The following SNTG1 variants were observed in gnomAD, a reference collection of about 807,000 sequenced individuals.
SNTG1 encodes gamma-1-syntrophin.
A neutral mutation model predicts 74.7 loss-of-function variants in SNTG1; 39 were observed. The observed-to-expected ratio is 0.52, with a 90% CI of 0.40 to 0.68. SNTG1 has a LOEUF of 0.68. Ranked by LOEUF, SNTG1 falls within the 30% of genes least tolerant of loss-of-function variation. The pLI is 0.00. For synonymous variants in SNTG1, 254 were observed against 217.1 expected, an observed-to-expected ratio of 1.17 and a Z score of -1.49; for missense variants, 685 against 609.5, an observed-to-expected ratio of 1.12 and a Z score of -1.30.
intron 1 of SNTG1, among the ~76,000 whole-genome samples, chr8:49,954,259 G>T (rs1004888419): frequency 1.2e-4 from 18 of 152,194 alleles, no homozygotes; most frequent in Admixed American, 7.9e-4. Flanking sequence ...GTCTTAAAGT[G>T]TAGTAATTAA....
At chr8:50,106,160 C>G (rs1219363668) in intron 1 of SNTG1, among the ~76,000 whole-genome samples, 1 of 152,058 alleles carries the variant, frequency 6.6e-6, no homozygotes, top group African/African-American at 2.4e-5. Flanking sequence ...GCAGGCTTAA[C>G]AGGAAGCATG....
At chr8:50,207,261 T>G (rs2084290284) in intron 2 of SNTG1, among the ~76,000 whole-genome samples, 1 of 152,224 alleles carries the variant, frequency 6.6e-6, no homozygotes, top group Non-Finnish European at 1.5e-5. Context: ...ATTGGTCTAT[T>G]CATGGATTCA....
rs542413379 is a variant in SNTG1 at position 50,012,896 on chromosome 8, AATGGTGTCCCAGAGC to A, written c.-103+100668_-103+100682del. Among the ~76,000 whole-genome samples, 601 of 152,214 alleles carry A rather than the reference AATGGTGTCCCAGAGC, an allele frequency of 3.9e-3. 6 individuals are homozygous for A. The highest frequency in any genetic ancestry group is 0.012 in the African/African-American group (502 of 41,540). ...CATCCTGGGGTAACTAGGGAAAGTA[AATGGTGTCCCAGAGC>A]ATAAAAGCCCAGTAAGGAATATGGT... On this transcript the variant is annotated intron_variant, in intron 1 of 18. Transcript: ENST00000642720.
At chr8:49,933,076 G>A (rs189670912) in intron 1 of SNTG1, among the ~76,000 whole-genome samples, 4 of 152,216 alleles carry the variant, frequency 2.6e-5, no homozygotes, top group African/African-American at 7.2e-5. Flanking sequence ...TAAAGCTGCT[G>A]TTAACATTCA....
intron 2 of SNTG1, among the ~76,000 whole-genome samples, chr8:50,307,155 T>C (rs558678524): frequency 1.4e-4 from 22 of 152,172 alleles, no homozygotes; most frequent in African/African-American, 5.1e-4. Context: ...TTAAAGCTCT[T>C]GGCTATTATG....
chr8:49,963,172 A>G (rs1333319500), intron 1 of SNTG1, among the ~76,000 whole-genome samples: 2 of 151,990 alleles, frequency 1.3e-5, no homozygotes, highest in African/African-American at 4.8e-5. Context: ...AAGTTAGAAA[A>G]CCCTCTTCAT....
intron 1 of SNTG1, among the ~76,000 whole-genome samples, chr8:50,135,038 C>A (rs1042883600): frequency 1.3e-5 from 2 of 152,116 alleles, no homozygotes; most frequent in Admixed American, 1.3e-4. Context: ...TTATGTCAAC[C>A]CGGTAGTTGG....
intron 2 of SNTG1, among the ~76,000 whole-genome samples, chr8:50,224,326 T>C (rs545129859): frequency 1.3e-5 from 2 of 152,132 alleles, no homozygotes; most frequent in Admixed American, 1.3e-4. Context: ...TTAGACCTAA[T>C]CAGGGGACAT....
At chr8:50,301,938 C>T (rs1055472684) in intron 2 of SNTG1, among the ~76,000 whole-genome samples, 3 of 151,746 alleles carry the variant, frequency 2.0e-5, no homozygotes, top group Non-Finnish European at 4.4e-5. Flanking sequence ...TTCACTGCAA[C>T]CTCCGCCTCC....
At chr8:50,065,210 T>G (rs1488237299) in intron 1 of SNTG1, among the ~76,000 whole-genome samples, 2 of 152,192 alleles carry the variant, frequency 1.3e-5, no homozygotes, top group African/African-American at 4.8e-5. Context: ...TGGATTATGT[T>G]GCATAGTTAA....
At position 49,956,017 on chromosome 8, in the gene SNTG1, G is replaced by T. The variant is rs566107014; in HGVS notation, c.-103+43786G>T. ...TATATTGTTTTCTCTGCCAGAATACGTTTCTCTCCAGCTAGACAGATTTGC... is the reference window on the plus strand; with the variant it reads ...TATATTGTTTTCTCTGCCAGAATACTTTTCTCTCCAGCTAGACAGATTTGC... On this transcript the variant is annotated intron_variant, in intron 1 of 18. Coordinates refer to ENST00000642720, the MANE Select transcript of SNTG1 (RefSeq NM_018967.5). Among the ~76,000 whole-genome samples the T allele has an allele frequency of 3.9e-5, 6 of 152,150 alleles. No individual in the cohort carries two copies. In the South Asian group the frequency reaches 6.2e-4, roughly 16 times the overall value.
chr8:50,452,352 T>C (rs2093465388), intron 8 of SNTG1, among the ~76,000 whole-genome samples: 1 of 152,256 alleles, frequency 6.6e-6, no homozygotes, highest in Non-Finnish European at 1.5e-5. Context: ...CAGAGCCTTC[T>C]ATCTTGCAGA....
chr8:50,614,944 CTTT>C (rs1217362389), intron 13 of SNTG1, among the ~76,000 whole-genome samples: 9 of 136,736 alleles, frequency 6.6e-5, no homozygotes, highest in Admixed American at 7.3e-5. Flanking sequence ...GTAGTTTTTT[CTTT>C]TTTTTTTTTT....
intron 1 of SNTG1, among the ~76,000 whole-genome samples, chr8:49,934,274 T>A (rs1365297650): frequency 7.2e-6 from 1 of 138,630 alleles, no homozygotes; most frequent in Non-Finnish European, 1.5e-5. Flanking sequence ...TCATATATAC[T>A]ATATAGATCT....
intron 2 of SNTG1, among the ~76,000 whole-genome samples, chr8:50,205,769 T>G (rs1284158231): frequency 1.3e-5 from 2 of 152,234 alleles, no homozygotes; most frequent in Non-Finnish European, 2.9e-5. Context: ...GGGATCCACT[T>G]ACAGCTTTCT....
chr8:50,501,711 G>T (rs1395360634), intron 8 of SNTG1, among the ~76,000 whole-genome samples: 1 of 151,436 alleles, frequency 6.6e-6, no homozygotes, highest in Non-Finnish European at 1.5e-5. Flanking sequence ...ACCTGCCTCG[G>T]TCTCCCAAAG....
chr8:50,123,239 C>T lies in SNTG1; in HGVS notation c.-102-49322C>T, dbSNP rs1186671953. Among the ~76,000 whole-genome samples, 7 of 142,590 alleles carry T rather than the reference C, an allele frequency of 4.9e-5. 1 individual carries two copies. Among genetic ancestry groups the T allele is most frequent in the Non-Finnish European group, 6.3e-5 (4 of 63,884 alleles). The allele number at this position is 142,590 out of a possible 152,430, so 93.5% of individuals were successfully genotyped here. A position where few individuals can be genotyped will look rare whatever the true frequency, so the allele number is the denominator to read the frequency against. On this transcript the variant is annotated intron_variant, in intron 1 of 18. Transcript: ENST00000642720. ...TAGTGGCTGATGGTAATTATTGTAC[C>T]GCTCAGTGCTCCAACACACAATTAC...
intron 1 of SNTG1, among the ~76,000 whole-genome samples, chr8:50,023,234 G>A (rs772676020): frequency 2.0e-5 from 3 of 152,050 alleles, no homozygotes; most frequent in African/African-American, 4.8e-5. Flanking sequence ...GAGTTAAAGC[G>A]GTGATATTAA....
At chr8:50,682,866 C>T (rs1022690529) in intron 15 of SNTG1, among the ~76,000 whole-genome samples, 1 of 152,112 alleles carries the variant, frequency 6.6e-6, no homozygotes, top group African/African-American at 2.4e-5. Flanking sequence ...TGTTGCCTTC[C>T]TCTCCAAATA....
Sources: allele counts gnomAD v4.1 joint callset (sites outside exome capture counted in the v4.1 genomes callset), GRCh38; gene constraint gnomAD v4.1.1; transcripts MANE v1.5; gene names NCBI Gene and HGNC (gene_info 2026-07-23, HGNC 2026-07-21).